Variants in PCDHGA4 observed in about 807,000 individuals in gnomAD.
The protein encoded by PCDHGA4 is protocadherin gamma-A4.
PCDHGA4 carries 38 observed loss-of-function variants against 54.6 expected under a neutral mutation model. The observed-to-expected ratio is 0.70, with a 90% CI of 0.54 to 0.91. The LOEUF (loss-of-function observed/expected upper bound fraction) is 0.91, where lower values mean the gene tolerates loss of function less well. Ranked by LOEUF, PCDHGA4 falls within the 40% of genes least tolerant of loss-of-function variation. PCDHGA4 has a pLI of 0.00. For missense variants in PCDHGA4, 1,298 were observed against 1,220.9 expected (o/e 1.06, Z -0.94); for synonymous variants, 511 against 512.9 (o/e 1.00, Z 0.05).
intron 1 of PCDHGA4, among the ~76,000 whole-genome samples, chr5:141,467,421 G>T (rs957302311): frequency 6.6e-6 from 1 of 152,100 alleles, no homozygotes; most frequent in African/African-American, 2.4e-5. Flanking sequence ...CCACACCTAG[G>T]TTATAGAAAC....
At chr5:141,383,926 A>T in intron 1 of PCDHGA4, 1 of 1,613,888 alleles carries the variant, frequency 6.2e-7, no homozygotes. Flanking sequence ...TGTAAATGAT[A>T]ATGCTCCAGA....
Position 141,431,241 on chromosome 5 carries a change from A to T in PCDHGA4, c.2515-63566A>T. On this transcript the variant is annotated intron_variant, in intron 1 of 3. Coordinates refer to ENST00000571252, the MANE Select transcript of PCDHGA4 (RefSeq NM_018917.4). This position sits in a 1 kb window ranked among gnomAD's most constrained non-coding sequence, Gnocchi z 4.8. ...CCTCTACCCCACGCCTGGGATCCGG[A>T]TATCGGGAAGAACTCTCTGCAGAGC... The T allele has an allele frequency of 6.2e-7, 1 of 1,614,138 alleles. No individual in the cohort carries two copies. The highest frequency in any genetic ancestry group is 8.5e-7 in the Non-Finnish European group (1 of 1,180,046).
intron 1 of PCDHGA4, chr5:141,409,801 G>A: frequency 1.2e-6 from 2 of 1,611,946 alleles, no homozygotes; most frequent in South Asian, 2.2e-5. Context: ...TCACGCTGCA[G>A]GCCCGCGACC....
intron 1 of PCDHGA4, among the ~76,000 whole-genome samples, chr5:141,465,063 C>T (rs187265709): frequency 8.5e-4 from 129 of 151,534 alleles, no homozygotes; most frequent in South Asian, 1.3e-3. Context: ...TTTGAATTGT[C>T]TGTTCATGTC....
chr5:141,481,619 A>T (rs1303171847), intron 1 of PCDHGA4, among the ~76,000 whole-genome samples: 1 of 152,128 alleles, frequency 6.6e-6, no homozygotes, highest in Non-Finnish European at 1.5e-5. Flanking sequence ...GGAGTTCAAG[A>T]CCGGCCTGGC....
intron 1 of PCDHGA4, chr5:141,372,535 G>T (rs1257455687): frequency 1.9e-6 from 3 of 1,613,808 alleles, no homozygotes; most frequent in East Asian, 2.2e-5. Flanking sequence ...ATCTCCCTGC[G>T]CCTGCGATGC....
At chr5:141,457,953 C>G (rs12188170) in intron 1 of PCDHGA4, among the ~76,000 whole-genome samples, 6,291 of 152,286 alleles carry the variant, frequency 0.041, 196 homozygotes, top group Admixed American at 0.075. Context: ...GCATGTCAAG[C>G]TTGATTCCTT....
At chr5:141,399,588 C>A (rs2093842272) in intron 1 of PCDHGA4, 1 of 1,613,894 alleles carries the variant, frequency 6.2e-7, no homozygotes, top group South Asian at 1.1e-5. Context: ...CCTACTCTAT[C>A]ATGGCCAGCG....
intron 1 of PCDHGA4, chr5:141,360,157 T>G (rs185682995): frequency 6.2e-7 from 1 of 1,603,294 alleles, no homozygotes; most frequent in African/African-American, 1.3e-5. Context: ...CTCAGGGAGG[T>G]GCGGGCTGGT....
chr5:141,375,601 CAT>C, intron 1 of PCDHGA4: 4 of 1,614,206 alleles, frequency 2.5e-6, no homozygotes, highest in Non-Finnish European at 3.4e-6. Context: ...CCTACGTGTC[CAT>C]CAACTCCGAC....
chr5:141,490,205 C>A lies in PCDHGA4; in HGVS notation c.2515-4602C>A. 1 of 1,614,168 alleles carries A rather than the reference C, an allele frequency of 6.2e-7. No individual in the cohort carries two copies. The highest frequency in any genetic ancestry group is 8.5e-7 in the Non-Finnish European group (1 of 1,180,004). ...CGTTTCTATGAAATTCATGCAAGAG[C>A]CCGTGACCAGGGACAGCCTGCCATG... On this transcript the variant is annotated intron_variant, in intron 1 of 3. Transcript: ENST00000571252. This position sits in a 1 kb window ranked among gnomAD's most constrained non-coding sequence, Gnocchi z 5.4.
At chr5:141,502,231 G>A (rs2099813372) in intron 2 of PCDHGA4, among the ~76,000 whole-genome samples, 1 of 152,172 alleles carries the variant, frequency 6.6e-6, no homozygotes, top group Non-Finnish European at 1.5e-5. Context: ...TGTTCTGTGT[G>A]TTCTTTTATC....
chr5:141,362,241 C>T (rs557427510), intron 1 of PCDHGA4: 1 of 1,614,050 alleles, frequency 6.2e-7, no homozygotes, highest in African/African-American at 1.3e-5. Context: ...TCTCAGTGCT[C>T]TTCTTCCTCG....
rs199756911 is a variant in PCDHGA4 at position 141,365,042 on chromosome 5, A to T, written c.2514+7421A>T. On this transcript the variant is annotated intron_variant, in intron 1 of 3. Coordinates refer to ENST00000571252, the MANE Select transcript of PCDHGA4 (RefSeq NM_018917.4). ...TGTTACGGTCCTCGACGCAAACGAC[A>T]ATGCGCCCCTGTTCACCCCATCCGA... 1.5e-4 allele frequency: 244 copies of T among 1,613,726 alleles called. No individual in the cohort carries two copies. Among genetic ancestry groups the T allele is most frequent in the Non-Finnish European group, 1.9e-4 (219 of 1,179,898 alleles).
chr5:141,506,645 A>G (rs1229614297), intron 3 of PCDHGA4, among the ~76,000 whole-genome samples: 3 of 152,188 alleles, frequency 2.0e-5, no homozygotes, highest in African/African-American at 7.2e-5. Context: ...CCCTCAGCAC[A>G]GGATTGGCAG....
chr5:141,450,733 C>T (rs886761152), intron 1 of PCDHGA4, among the ~76,000 whole-genome samples: 24 of 152,198 alleles, frequency 1.6e-4, no homozygotes, highest in African/African-American at 5.3e-4. Context: ...GTGATCCGCC[C>T]GCCTTGGCCT....
rs533830391 is a variant in PCDHGA4, at chr5:141,492,559, C to T, written c.2515-2248C>T. 4.6e-5 allele frequency among the ~76,000 whole-genome samples: 7 copies of T among 152,292 alleles called. No homozygotes were observed. The East Asian group carries it at 1.4e-3, about 29-fold the overall frequency. The stretch of plus-strand genomic sequence containing the variant: ...GGGCTGGGCCGGGTCGCCTGGGGGG[C>T]GGCCTGAGCGAGGCGCGGGGCCAGG... On this transcript the variant is annotated intron_variant, in intron 1 of 3. Coordinates refer to ENST00000571252, the MANE Select transcript of PCDHGA4 (RefSeq NM_018917.4).
intron 1 of PCDHGA4, among the ~76,000 whole-genome samples, chr5:141,470,896 T>C (rs1370454369): frequency 6.6e-6 from 1 of 151,980 alleles, no homozygotes; most frequent in Non-Finnish European, 1.5e-5. Context: ...TTTTGTTTTT[T>C]GTAGAGATGG....
At position 141,388,343 on chromosome 5, in the gene PCDHGA4, A is replaced by G. The variant is rs2091322753; in HGVS notation, c.2514+30722A>G. ...CTGCACAGCCTGGCACACGATTTAT[A>G]TTAGGATCTGCCCATGATGCGGATA... On this transcript the variant is annotated intron_variant, in intron 1 of 3. Coordinates refer to ENST00000571252, the MANE Select transcript of PCDHGA4 (RefSeq NM_018917.4). 3 of 1,614,008 alleles carry G rather than the reference A, an allele frequency of 1.9e-6. No individual in the cohort carries two copies. The East Asian group carries it at 6.7e-5, about 36-fold the overall frequency.
Sources: gnomAD v4.1 joint callset for allele counts (sites outside exome capture counted in the v4.1 genomes callset) on GRCh38, gnomAD v4.1.1 for gene constraint, Gnocchi (gnomAD v3.1) non-coding constraint, MANE v1.5 for transcripts, NCBI Gene and HGNC (gene_info 2026-07-23, HGNC 2026-07-21) for gene names.